Variants in TNRC6B observed in about 807,000 individuals in gnomAD.
TNRC6B encodes trinucleotide repeat-containing gene 6B protein.
TNRC6B carries 52 observed loss-of-function variants against 203.6 expected under a neutral mutation model. That is an observed-to-expected ratio of 0.26 (90% CI 0.20 to 0.32). The LOEUF (loss-of-function observed/expected upper bound fraction) is 0.32. Ranked by LOEUF, TNRC6B falls within the 10% of genes least tolerant of loss-of-function variation. The pLI is 1.00. For synonymous variants in TNRC6B, 838 were observed against 845.7 expected (o/e 0.99, Z 0.16); for missense variants, 1,923 against 2,286.2 (o/e 0.84, Z 3.24).
At chr22:40,285,867 T>C in intron 12 of TNRC6B, 97 bp downstream of exon 12, 7 of 1,441,428 alleles carry the variant, frequency 4.9e-6, no homozygotes, top group Admixed American at 2.3e-5. Context: ...AGAATGATAG[T>C]AAGTAGCATA....
At chr22:40,307,477 T>C (rs1182154905) in intron 15 of TNRC6B, among the ~76,000 whole-genome samples, 1 of 152,214 alleles carries the variant, frequency 6.6e-6, no homozygotes, top group Non-Finnish European at 1.5e-5. Flanking sequence ...TTCATCATTT[T>C]AGTCCTTTAT....
intron 1 of TNRC6B, among the ~76,000 whole-genome samples, chr22:40,086,071 A>G (rs907783112): frequency 1.4e-4 from 21 of 152,010 alleles, no homozygotes; most frequent in African/African-American, 4.8e-4. Context: ...GGGTCTTGCC[A>G]TGTTGCCCAG....
intron 4 of TNRC6B, among the ~76,000 whole-genome samples, chr22:40,170,847 A>ATG (rs575212037): frequency 3.1e-5 from 3 of 96,874 alleles, no homozygotes; most frequent in East Asian, 2.4e-4. Context: ...ATGTACATAT[A>ATG]TGTGTGTATA....
chr22:40,080,477 G>A (rs2068055595), intron 1 of TNRC6B, among the ~76,000 whole-genome samples: 1 of 152,072 alleles, frequency 6.6e-6, no homozygotes, highest in South Asian at 2.1e-4. Flanking sequence ...ATCTTATTAT[G>A]TCACTCTGCT....
intron 3 of TNRC6B, among the ~76,000 whole-genome samples, chr22:40,256,240 G>A (rs2070275078): frequency 6.6e-6 from 1 of 152,150 alleles, no homozygotes; most frequent in Non-Finnish European, 1.5e-5. Flanking sequence ...AAGTTTGAGA[G>A]GAAGGGAAAG....
At chr22:40,171,806 G>T (rs1016946008) in intron 4 of TNRC6B, among the ~76,000 whole-genome samples, 3 of 151,968 alleles carry the variant, frequency 2.0e-5, no homozygotes, top group African/African-American at 4.8e-5. Flanking sequence ...CTGCTCCCAG[G>T]TCCTAGCCTC....
chr22:40,300,230 AATT>A (rs2071004286), intron 12 of TNRC6B, among the ~76,000 whole-genome samples: 2 of 152,098 alleles, frequency 1.3e-5, no homozygotes, highest in Non-Finnish European at 2.9e-5. Flanking sequence ...TATTGTAGAA[AATT>A]GGAAAGTCTA....
intron 1 of TNRC6B, among the ~76,000 whole-genome samples, chr22:40,099,275 A>G (rs1467980514): frequency 9.9e-5 from 15 of 152,118 alleles, no homozygotes; most frequent in Admixed American, 9.2e-4. Context: ...AAAGGAAAAA[A>G]AAACATACAG....
chr22:40,157,055 G>A (rs1314328471), intron 4 of TNRC6B, among the ~76,000 whole-genome samples: 1 of 152,048 alleles, frequency 6.6e-6, no homozygotes. Flanking sequence ...GATTGCAGGT[G>A]TGAGGCATCG....
upstream of TNRC6B, among the ~76,000 whole-genome samples, chr22:40,173,232 G>A (rs1273348018): frequency 6.6e-6 from 1 of 151,982 alleles, no homozygotes; most frequent in East Asian, 1.9e-4. Context: ...GAGTAGCTGG[G>A]ACTACAGGTG....
chr22:40,060,939 G>C (rs745546196), intron 1 of TNRC6B, among the ~76,000 whole-genome samples: 1 of 152,142 alleles, frequency 6.6e-6, no homozygotes, highest in Non-Finnish European at 1.5e-5. Flanking sequence ...ATGGTAGGTA[G>C]AGTTTAGACA....
chr22:40,168,437 A>G (rs1274529499), intron 4 of TNRC6B, among the ~76,000 whole-genome samples: 3 of 152,220 alleles, frequency 2.0e-5, no homozygotes, highest in Non-Finnish European at 2.9e-5. Flanking sequence ...AGATGGGGGT[A>G]CTGGACTCAG....
At chr22:40,055,437 C>T (rs746964762) in intron 1 of TNRC6B, among the ~76,000 whole-genome samples, 4 of 152,040 alleles carry the variant, frequency 2.6e-5, no homozygotes, top group Non-Finnish European at 4.4e-5. Flanking sequence ...ACCGGCACAG[C>T]GGTATGCTTT....
At chr22:40,286,501 C>G (rs1266838480) in intron 12 of TNRC6B, among the ~76,000 whole-genome samples, 2 of 151,072 alleles carry the variant, frequency 1.3e-5, no homozygotes, top group African/African-American at 4.9e-5. Context: ...AGCGAGACTC[C>G]ATTTCAAAAA....
intron 4 of TNRC6B, among the ~76,000 whole-genome samples, chr22:40,172,100 G>A (rs1447821761): frequency 6.6e-6 from 1 of 151,848 alleles, no homozygotes; most frequent in Middle Eastern, 3.2e-3. Context: ...GGCTGGCCTC[G>A]AACTCCTGAC....
chr22:40,312,383 T>C, intron 17 of TNRC6B, 122 bp from the exon 18 acceptor site: 2 of 1,047,236 alleles, frequency 1.9e-6, no homozygotes, highest in Admixed American at 3.2e-5. Context: ...GTGATGAAAA[T>C]CTAAGAGACA....
intron 1 of TNRC6B, among the ~76,000 whole-genome samples, chr22:40,088,335 C>A (rs2068118255): frequency 6.6e-6 from 1 of 152,196 alleles, no homozygotes; most frequent in Non-Finnish European, 1.5e-5. Context: ...GTGCTCTGTT[C>A]TTCCACTTAC....
rs1009033324 is a variant in TNRC6B at position 40,327,270 on chromosome 22, TACTC to T, written c.*4032_*4035del. 21 of 152,636 alleles carry T rather than the reference TACTC, an allele frequency of 1.4e-4. No homozygotes were observed. The highest frequency in any genetic ancestry group is 5.9e-5 in the Non-Finnish European group (4 of 68,058). 9.5% of individuals were successfully genotyped at this position (152,636 alleles called of 1,614,324 possible). On this transcript the variant is annotated 3_prime_UTR_variant, in exon 23 of 23. Transcript: ENST00000454349. ...GTCCAGTCACTCCACAGATGTAAGA[TACTC>T]ACCCATAAAGGAAATTGGAGTGGTT...
chr22:40,186,829 A>G (rs1316944829), intron 1 of TNRC6B, among the ~76,000 whole-genome samples: 9 of 152,080 alleles, frequency 5.9e-5, no homozygotes, highest in Non-Finnish European at 2.9e-5. Flanking sequence ...TTAATTCAAC[A>G]TATTATTGAT....
Sources: gnomAD v4.1 joint callset for allele counts (sites outside exome capture counted in the v4.1 genomes callset) on GRCh38, gnomAD v4.1.1 for gene constraint, MANE v1.5 for transcripts, NCBI Gene and HGNC (gene_info 2026-07-23, HGNC 2026-07-21) for gene names.